The following NFX1 variants were observed in gnomAD, a reference collection of about 807,000 sequenced individuals.
The protein encoded by NFX1 is nuclear transcription factor, X-box binding 1, also known as transcriptional repressor NF-X1.
NFX1 carries 69 observed loss-of-function variants against 137.2 expected under a neutral mutation model. That is an observed-to-expected ratio of 0.50 (90% confidence interval 0.41 to 0.61). The LOEUF is 0.61. Among genes scored for constraint, NFX1 ranks in the 20% least tolerant of loss-of-function variants. The pLI is 0.00. For synonymous variants in NFX1, 495 were observed against 474.1 expected (o/e 1.04, Z -0.57); for missense variants, 1,167 against 1,391.0 (o/e 0.84, Z 2.56).
At chr9:33,368,882 C>T (rs1159941118) in intron 23 of NFX1, among the ~76,000 whole-genome samples, 1 of 152,074 alleles carries the variant, frequency 6.6e-6, no homozygotes, top group Non-Finnish European at 1.5e-5. Context: ...TCCCCAGGAC[C>T]AGCCCCTCTC....
At chr9:33,342,326 G>T (rs1823257596) in intron 12 of NFX1, among the ~76,000 whole-genome samples, 1 of 152,046 alleles carries the variant, frequency 6.6e-6, no homozygotes, top group South Asian at 2.1e-4. Flanking sequence ...GCCAGGCATG[G>T]TGGTGGATGC....
Position 33,342,801 on chromosome 9 carries a change from A to G in NFX1, c.2171A>G (p.His724Arg). 6.2e-7 allele frequency: 1 copy of G among 1,613,934 alleles called. No homozygotes were observed. Among genetic ancestry groups the G allele is most frequent in the Non-Finnish European group, 8.5e-7 (1 of 1,179,944 alleles). Residue 724 changes from histidine (H) to arginine (R), a missense_variant, in exon 13 of 24, where the codon CAT (histidine) becomes CGT (arginine). Transcript: ENST00000379540. ...GGGAGGAAACTCCGTTGTGGCCTTC[A>G]TAGGTGTGAAGAACCTTGTCATCGT... ...ICGRKLRCGL[H>R]RCEEPCHRGN...
chr9:33,300,252 A>T (rs1821507156), intron 2 of NFX1, among the ~76,000 whole-genome samples: 1 of 151,694 alleles, frequency 6.6e-6, no homozygotes, highest in Non-Finnish European at 1.5e-5. Flanking sequence ...CTTAGTAGAG[A>T]TGGGGTTTCA....
chr9:33,340,562 C>T (rs973406090), intron 12 of NFX1, among the ~76,000 whole-genome samples: 2 of 152,238 alleles, frequency 1.3e-5, no homozygotes, highest in African/African-American at 4.8e-5. Context: ...CTCCTTGTCA[C>T]TTATGCAAAT....
chr9:33,368,795 T>C (rs986052720), intron 23 of NFX1, among the ~76,000 whole-genome samples: 1 of 152,150 alleles, frequency 6.6e-6, no homozygotes, highest in African/African-American at 2.4e-5. Context: ...TCACAGCACT[T>C]AGTGTTCCTG....
intron 21 of NFX1, chr9:33,365,303 C>G (rs919862224): frequency 6.5e-6 from 1 of 153,532 alleles, no homozygotes; most frequent in Non-Finnish European, 1.4e-5. Flanking sequence ...AAAGAAAGCT[C>G]TGCAGTCAGC....
chr9:33,319,938 A>G (rs1822320394), intron 9 of NFX1, among the ~76,000 whole-genome samples: 1 of 151,226 alleles, frequency 6.6e-6, no homozygotes, highest in African/African-American at 2.4e-5. Context: ...ATCATTTTGG[A>G]TGAATATTTT....
At chr9:33,311,043 G>C in intron 5 of NFX1, 63 bp from the exon 6 acceptor site, 1 of 1,490,942 alleles carries the variant, frequency 6.7e-7, no homozygotes, top group Non-Finnish European at 9.3e-7. Context: ...ACCCAGCTGG[G>C]ACAGCTTTGT....
In NFX1 at chr9:33,369,211, G is replaced by A. The variant is rs1050118399; in HGVS notation, c.3291-695G>A. On this transcript the variant is annotated intron_variant, in intron 23 of 23. Transcript: ENST00000379540. ...CTCCTGAGTAGCTGGGACTACAGGC[G>A]CCTGCCACCACGCCCGGCTAATTTT... is the stretch of plus-strand genomic sequence containing the variant. Among the ~76,000 whole-genome samples the A allele has an allele frequency of 3.9e-5, 6 of 151,978 alleles. No individual in the cohort carries two copies. The East Asian group carries it at 9.7e-4, about 24-fold the overall frequency.
At chr9:33,323,536 C>T (rs1273154932) in intron 9 of NFX1, among the ~76,000 whole-genome samples, 5 of 151,942 alleles carry the variant, frequency 3.3e-5, no homozygotes, top group South Asian at 2.1e-4. Context: ...AGGAGGATCA[C>T]GAGGTCAGGA....
intron 20 of NFX1, 96 bp from the exon 21 acceptor site, chr9:33,364,612 T>C (rs1824115068): frequency 1.0e-5 from 14 of 1,380,550 alleles, no homozygotes; most frequent in African/African-American, 1.5e-5. Flanking sequence ...ACTGCCAGCA[T>C]TGTCTATTGT....
chr9:33,294,946 C>A lies in NFX1; in HGVS notation c.552C>A (p.Val184=). The A allele has an allele frequency of 1.2e-6, 2 of 1,614,090 alleles. No homozygotes were observed. The highest frequency in any genetic ancestry group is 1.7e-6 in the Non-Finnish European group (2 of 1,180,026). Residue 184 remains valine (V), a synonymous_variant, in exon 2 of 24, where the codon GTC becomes GTA. Coordinates refer to ENST00000379540, the MANE Select transcript of NFX1 (RefSeq NM_002504.6). ...FVYSYGRGPK[V]KGKLKCEWSN... is the part of the protein sequence containing the mutation. ...ACAGCTATGGTAGAGGACCAAAAGT[C>A]AAGGGGAAACTCAAATGTGAATGGA...
intron 4 of NFX1, among the ~76,000 whole-genome samples, chr9:33,303,775 G>T (rs1003176810): frequency 8.5e-5 from 13 of 152,080 alleles, no homozygotes; most frequent in African/African-American, 2.7e-4. Context: ...CAAGTATTAG[G>T]GGAAAACTTC....
At chr9:33,292,562 G>C (rs141302578) in intron 1 of NFX1, among the ~76,000 whole-genome samples, 4 of 152,306 alleles carry the variant, frequency 2.6e-5, no homozygotes, top group Non-Finnish European at 5.9e-5. Flanking sequence ...TTGAAATAGT[G>C]AAATAAAAAT....
Position 33,363,085 on chromosome 9 carries a change from G to A in NFX1, c.2874-925G>A, listed in dbSNP as rs371080960. On this transcript the variant is annotated intron_variant, in intron 19 of 23. Transcript: ENST00000379540. Reference sequence around the variant, plus strand: ...TATTTTACAAAATAGCTAGAAAAGAGGCTTCTGTGTATTCTCACCACAGTG... The same window carrying A: ...TATTTTACAAAATAGCTAGAAAAGAAGCTTCTGTGTATTCTCACCACAGTG... 2.0e-5 allele frequency among the ~76,000 whole-genome samples: 3 copies of A among 151,938 alleles called. No homozygotes were observed. In the South Asian group the frequency reaches 6.3e-4, roughly 32 times the overall value.
At chr9:33,308,005 G>T (rs567699283) in intron 5 of NFX1, among the ~76,000 whole-genome samples, 2 of 151,752 alleles carry the variant, frequency 1.3e-5, no homozygotes, top group African/African-American at 2.4e-5. Context: ...GGGTTTTGCC[G>T]TGTTGCCCAG....
intron 11 of NFX1, among the ~76,000 whole-genome samples, chr9:33,336,166 G>A (rs1198203145): frequency 6.6e-6 from 1 of 152,026 alleles, no homozygotes; most frequent in South Asian, 2.1e-4. Flanking sequence ...AGTGTATGAG[G>A]GTTTCATTTT....
At chr9:33,364,897 T>C in intron 21 of NFX1, 123 bp downstream of exon 21, 2 of 1,507,130 alleles carry the variant, frequency 1.3e-6, no homozygotes, top group Non-Finnish European at 1.8e-6. Context: ...ACAACTTCTT[T>C]GAGGATCCTT....
chr9:33,320,790 G>A (rs978304128), intron 9 of NFX1, among the ~76,000 whole-genome samples: 2 of 152,196 alleles, frequency 1.3e-5, no homozygotes, highest in Admixed American at 6.5e-5. Context: ...AACTAACCAT[G>A]TATCTTGTGA....
Sources: gnomAD v4.1 joint callset for allele counts (sites outside exome capture counted in the v4.1 genomes callset) on GRCh38, gnomAD v4.1.1 for gene constraint, MANE v1.5 for transcripts, NCBI Gene and HGNC (gene_info 2026-07-23, HGNC 2026-07-21) for gene names.